LRFN2: variants seen among roughly 807,000 people sequenced by gnomAD.
The protein encoded by LRFN2 is leucine-rich repeat and fibronectin type-III domain-containing protein 2.
In LRFN2, 18 loss-of-function variants were observed where a neutral mutation model predicts 37.3. The ratio of observed to expected loss-of-function variants is 0.48; its 90% CI spans 0.33 to 0.72. LRFN2 has a LOEUF of 0.72. LRFN2 is among the 30% of genes least tolerant of loss of function. The pLI, the probability that LRFN2 is intolerant of heterozygous loss-of-function variation, is 0.02. For missense variants in LRFN2, 1,006 were observed against 1,060.7 expected, an observed-to-expected ratio of 0.95 and a Z score of 0.72; for synonymous variants, 556 against 466.6, an observed-to-expected ratio of 1.19 and a Z score of -2.47.
At chr6:40,463,925 A>T (rs61412573) in intron 1 of LRFN2, among the ~76,000 whole-genome samples, 1 of 151,728 alleles carries the variant, frequency 6.6e-6, no homozygotes, top group African/African-American at 2.4e-5. Context: ...CCATCACACC[A>T]TTTCTTATCC....
intron 1 of LRFN2, among the ~76,000 whole-genome samples, chr6:40,470,865 G>A (rs1296374877): frequency 6.6e-6 from 1 of 152,212 alleles, no homozygotes; most frequent in East Asian, 1.9e-4. Flanking sequence ...ATAAGAGACA[G>A]GGTCAGGACA....
intron 1 of LRFN2, among the ~76,000 whole-genome samples, chr6:40,578,941 C>A (rs966848165): frequency 6.6e-6 from 1 of 152,206 alleles, no homozygotes; most frequent in Non-Finnish European, 1.5e-5. Context: ...GCTCCATCCA[C>A]GAATTTTGGT....
chr6:40,418,592 T>C (rs1398330804), intron 2 of LRFN2, among the ~76,000 whole-genome samples: 1 of 152,182 alleles, frequency 6.6e-6, no homozygotes, highest in Non-Finnish European at 1.5e-5. Flanking sequence ...CAGGTCATTC[T>C]TCCCCTCAGA....
intron 1 of LRFN2, among the ~76,000 whole-genome samples, chr6:40,491,260 C>T (rs1765086861): frequency 6.6e-6 from 1 of 152,192 alleles, no homozygotes; most frequent in Non-Finnish European, 1.5e-5. Context: ...TTCCTCTTTC[C>T]TTGGGACCCC....
intron 1 of LRFN2, among the ~76,000 whole-genome samples, chr6:40,435,436 A>G (rs1303975332): frequency 6.6e-6 from 1 of 152,178 alleles, no homozygotes; most frequent in African/African-American, 2.4e-5. Flanking sequence ...TTGGATTTAC[A>G]GGCATGAGCC....
intron 1 of LRFN2, among the ~76,000 whole-genome samples, chr6:40,513,003 T>C (rs1218909715): frequency 6.6e-6 from 1 of 152,180 alleles, no homozygotes; most frequent in Non-Finnish European, 1.5e-5. Flanking sequence ...ACGTCAGGCC[T>C]GATGCTTGTA....
chr6:40,536,177 A>T (rs1028679181), intron 1 of LRFN2, among the ~76,000 whole-genome samples: 15 of 151,968 alleles, frequency 9.9e-5, no homozygotes, highest in Non-Finnish European at 1.5e-4. Flanking sequence ...TCGAGGAGAG[A>T]GCCAGGTGCT....
intron 2 of LRFN2, among the ~76,000 whole-genome samples, chr6:40,425,919 C>T (rs900653592): frequency 6.6e-6 from 1 of 152,344 alleles, no homozygotes; most frequent in African/African-American, 2.4e-5. Context: ...TCTGCTCCTC[C>T]TTCCTGGTAT....
chr6:40,431,470 G>C (rs1345836336), intron 2 of LRFN2, among the ~76,000 whole-genome samples: 2 of 152,326 alleles, frequency 1.3e-5, no homozygotes, highest in East Asian at 3.9e-4. Flanking sequence ...ACCCAGCCGG[G>C]AGGTGTGGTC....
chr6:40,400,995 A>G (rs1468503020), intron 2 of LRFN2, among the ~76,000 whole-genome samples: 8 of 149,490 alleles, frequency 5.4e-5, no homozygotes, highest in Admixed American at 4.0e-4. Flanking sequence ...CAACCCCCTA[A>G]CCCCACCTCC....
chr6:40,530,019 C>T (rs1286135927), intron 1 of LRFN2, among the ~76,000 whole-genome samples: 1 of 152,140 alleles, frequency 6.6e-6, no homozygotes. Context: ...TACAGGTGGC[C>T]CCTATGGGTG....
intron 1 of LRFN2, among the ~76,000 whole-genome samples, chr6:40,554,524 G>T (rs968859721): frequency 6.6e-6 from 1 of 152,152 alleles, no homozygotes; most frequent in African/African-American, 2.4e-5. Context: ...GAACAGAAAG[G>T]TGCCATGGGA....
intron 1 of LRFN2, among the ~76,000 whole-genome samples, chr6:40,544,113 A>T (rs1766607629): frequency 6.6e-6 from 1 of 152,228 alleles, no homozygotes; most frequent in South Asian, 2.1e-4. Context: ...GGAACTATCC[A>T]ATCTGCACAG....
intron 1 of LRFN2, among the ~76,000 whole-genome samples, chr6:40,509,818 T>C (rs116590726): frequency 0.018 from 2,608 of 141,920 alleles, 24 homozygotes; most frequent in Non-Finnish European, 0.023. Flanking sequence ...TGCCAGGGAA[T>C]ACTGAGCTGC....
At chr6:40,428,224 G>A (rs888651534) in intron 2 of LRFN2, among the ~76,000 whole-genome samples, 11 of 152,182 alleles carry the variant, frequency 7.2e-5, no homozygotes, top group Admixed American at 6.5e-4. Context: ...GGGGAAGATG[G>A]AGGCAAGTTG....
At chr6:40,447,007 G>A (rs1002523169) in intron 1 of LRFN2, among the ~76,000 whole-genome samples, 2 of 149,730 alleles carry the variant, frequency 1.3e-5, no homozygotes, top group Non-Finnish European at 3.0e-5. Context: ...GAGCTCCCTG[G>A]GATTGGGGCT....
chr6:40,475,325 A>T (rs896994102), intron 1 of LRFN2, among the ~76,000 whole-genome samples: 1 of 152,144 alleles, frequency 6.6e-6, no homozygotes, highest in Non-Finnish European at 1.5e-5. Context: ...CTGGAGGAAA[A>T]ATGGAAAAGG....
chr6:40,511,364 A>T (rs73734514), intron 1 of LRFN2, among the ~76,000 whole-genome samples: 5,201 of 152,278 alleles, frequency 0.034, 313 homozygotes, highest in African/African-American at 0.12. Context: ...GTCACTGTTA[A>T]ACTTGGACAG....
intron 2 of LRFN2, among the ~76,000 whole-genome samples, chr6:40,421,003 G>C (rs1387561788): frequency 6.6e-6 from 1 of 152,222 alleles, no homozygotes; most frequent in African/African-American, 2.4e-5. Context: ...GGCTGAGGAA[G>C]CTGGGGTATT....
Sources: gnomAD v4.1 joint callset for allele counts (sites outside exome capture counted in the v4.1 genomes callset) on GRCh38, gnomAD v4.1.1 for gene constraint, MANE v1.5 for transcripts, NCBI Gene and HGNC (gene_info 2026-07-23, HGNC 2026-07-21) for gene names.